Variants in NPAS3 observed in about 807,000 individuals in gnomAD.
NPAS3 encodes the protein neuronal PAS domain-containing protein 3.
A neutral mutation model predicts 73.1 loss-of-function variants in NPAS3; 14 were observed. The observed-to-expected ratio is 0.19, with a 90% CI of 0.13 to 0.30. The LOEUF (loss-of-function observed/expected upper bound fraction) is 0.30. Among genes scored for constraint, NPAS3 ranks in the 10% least tolerant of loss-of-function variants. The probability of loss-of-function intolerance (pLI) is 1.00; values close to 1 mark genes in which losing one functional copy is unlikely to be tolerated. For missense variants in NPAS3, 1,096 were observed against 1,250.0 expected (o/e 0.88, Z 1.86); for synonymous variants, 620 against 541.5 (o/e 1.14, Z -2.01).
chr14:33,566,590 G>C (rs543342306), intron 5 of NPAS3, among the ~76,000 whole-genome samples: 2 of 152,030 alleles, frequency 1.3e-5, no homozygotes, highest in South Asian at 4.2e-4. Flanking sequence ...ATAGTTCTTA[G>C]GTGATCATCT....
chr14:33,217,082 G>A (rs544741857), intron 3 of NPAS3, among the ~76,000 whole-genome samples: 1 of 152,238 alleles, frequency 6.6e-6, no homozygotes, highest in South Asian at 2.1e-4. Context: ...AGAAGGCGAG[G>A]GGGAGGCAAA....
chr14:33,797,342 CTT>C, intron 10 of NPAS3, 113 bp from the exon 11 acceptor site: 1 of 1,164,824 alleles, frequency 8.6e-7, no homozygotes, highest in Non-Finnish European at 1.2e-6. Flanking sequence ...CATGTTTAGT[CTT>C]TGAAACTTTC....
At chr14:32,935,014 C>A, upstream of NPAS3, 1 of 1,305,704 alleles carries the variant, frequency 7.7e-7, no homozygotes, top group South Asian at 2.2e-5. Context: ...GTGAGTAGTC[C>A]CGCCTGGGCT....
chr14:33,328,603 G>A (rs1209856272), intron 3 of NPAS3, among the ~76,000 whole-genome samples: 4 of 150,706 alleles, frequency 2.7e-5, no homozygotes, highest in African/African-American at 4.9e-5. Context: ...GATTACAGGC[G>A]CCCGCCACCA....
intron 6 of NPAS3, among the ~76,000 whole-genome samples, chr14:33,677,329 A>T (rs1236913592): frequency 6.6e-6 from 1 of 152,150 alleles, no homozygotes; most frequent in Non-Finnish European, 1.5e-5. Context: ...CAGTGGTTTA[A>T]ATGTTAATTT....
rs572133968 is a variant in NPAS3, at chr14:33,626,891, T to G, written c.559-49320T>G. ...AGTGCCATGAAGTGGGAGTGGAGCT[T>G]GCAGTATTAAATATTAGTATGTTTG... On this transcript the variant is annotated intron_variant, in intron 5 of 11. Coordinates refer to ENST00000356141, the Ensembl canonical transcript of NPAS3. Among the ~76,000 whole-genome samples, 3 of 152,282 alleles carry G rather than the reference T, an allele frequency of 2.0e-5. 1 individual carries two copies. The South Asian group carries it at 6.2e-4, about 32-fold the overall frequency.
At chr14:33,652,880 GTATTCACCCC>G (rs2059037372) in intron 5 of NPAS3, among the ~76,000 whole-genome samples, 1 of 152,086 alleles carries the variant, frequency 6.6e-6, no homozygotes, top group East Asian at 1.9e-4. Flanking sequence ...CTTGCTTGCT[GTATTCACCCC>G]CATTTCTCAC....
chr14:33,544,762 T>TGCCTGTATGTGTTTATG (rs2054702803), intron 4 of NPAS3, among the ~76,000 whole-genome samples: 1 of 117,110 alleles, frequency 8.5e-6, no homozygotes, highest in African/African-American at 3.9e-5. Flanking sequence ...AGACAACATA[T>TGCCTGTATGTGTTTATG]GCATGTATGT....
chr14:33,308,732 A>G (rs1433892942), intron 3 of NPAS3, among the ~76,000 whole-genome samples: 2 of 151,844 alleles, frequency 1.3e-5, no homozygotes, highest in Non-Finnish European at 2.9e-5. Context: ...ATCTGTTTGC[A>G]TTTCATTAAA....
chr14:33,673,543 AAACAGC>A (rs1167614371), intron 5 of NPAS3, among the ~76,000 whole-genome samples: 2 of 152,278 alleles, frequency 1.3e-5, no homozygotes, highest in African/African-American at 4.8e-5. Flanking sequence ...CTGATCCACC[AAACAGC>A]AACAACAACA....
intron 2 of NPAS3, among the ~76,000 whole-genome samples, chr14:33,182,934 G>A (rs530647822): frequency 1.2e-4 from 19 of 152,218 alleles, no homozygotes; most frequent in African/African-American, 3.9e-4. Flanking sequence ...AATTCTTCTG[G>A]CAGTGACATT....
At chr14:33,060,798 G>T (rs951114271) in intron 2 of NPAS3, among the ~76,000 whole-genome samples, 1 of 152,086 alleles carries the variant, frequency 6.6e-6, no homozygotes, top group Non-Finnish European at 1.5e-5. Flanking sequence ...AACTCCAGGT[G>T]AACAAATTCA....
In NPAS3 at chr14:33,427,511, C is replaced by T. The variant is rs544033379; in HGVS notation, c.468+60243C>T. Among the ~76,000 whole-genome samples the T allele has an allele frequency of 1.1e-4, 17 of 151,304 alleles. No homozygotes were observed. The South Asian group carries it at 1.7e-3, about 15-fold the overall frequency. On this transcript the variant is annotated intron_variant, in intron 4 of 11. Coordinates refer to ENST00000356141, the Ensembl canonical transcript of NPAS3. ...TTTTATGTTCCCCAGTATCTAGTGC[C>T]GGAGCATCACCCTCTCCGTGAATGG... is the stretch of plus-strand genomic sequence containing the variant.
intron 1 of NPAS3, among the ~76,000 whole-genome samples, chr14:33,034,591 G>A (rs1225890091): frequency 6.6e-6 from 1 of 151,804 alleles, no homozygotes; most frequent in African/African-American, 2.4e-5. Context: ...CATTTATATA[G>A]TCTACATAAT....
At chr14:33,667,505 G>T (rs575852733) in intron 5 of NPAS3, among the ~76,000 whole-genome samples, 2 of 152,164 alleles carry the variant, frequency 1.3e-5, no homozygotes, top group East Asian at 3.9e-4. Context: ...CTACTTGCCA[G>T]TTCTATTTAC....
chr14:32,982,519 G>A (rs1213392615), intron 1 of NPAS3, among the ~76,000 whole-genome samples: 1 of 152,058 alleles, frequency 6.6e-6, no homozygotes. Flanking sequence ...AGACCAACCT[G>A]GGCAACATAG....
chr14:33,063,907 A>G (rs2041193041), intron 2 of NPAS3, among the ~76,000 whole-genome samples: 1 of 152,216 alleles, frequency 6.6e-6, no homozygotes, highest in Admixed American at 6.5e-5. Context: ...TGGAAATAAT[A>G]AGCATTCAAC....
chr14:33,784,749 T>TTTATTTATTTA, intron 9 of NPAS3, among the ~76,000 whole-genome samples: 20 of 47,788 alleles, frequency 4.2e-4, no homozygotes, highest in African/African-American at 1.6e-3. Flanking sequence ...TTATTTATTT[T>TTTATTTATTTA]TTTTTTTTTT....
In NPAS3 at chr14:33,164,898, A is replaced by G. The variant is rs533000203; in HGVS notation, c.141-50284A>G. ...TCCTTCTGTACTGGTGAGACAGGGAATTAATACAATAATTTCCCTTTTCAT... is the reference window on the plus strand; with the variant it reads ...TCCTTCTGTACTGGTGAGACAGGGAGTTAATACAATAATTTCCCTTTTCAT... On this transcript the variant is annotated intron_variant, in intron 2 of 11. Coordinates refer to ENST00000356141, the Ensembl canonical transcript of NPAS3. Among the ~76,000 whole-genome samples, 3 of 151,884 alleles carry G rather than the reference A, an allele frequency of 2.0e-5. No homozygotes were observed. The East Asian group carries it at 5.8e-4, about 29-fold the overall frequency.
Sources: allele counts gnomAD v4.1 joint callset (sites outside exome capture counted in the v4.1 genomes callset), GRCh38; gene constraint gnomAD v4.1.1; transcripts MANE v1.5; gene names NCBI Gene and HGNC (gene_info 2026-07-23, HGNC 2026-07-21).